The following FUT9 variants were observed in gnomAD, a reference collection of about 807,000 sequenced individuals.
FUT9 encodes the protein 4-galactosyl-N-acetylglucosaminide 3-alpha-L-fucosyltransferase 9.
A neutral mutation model predicts 29.7 loss-of-function variants in FUT9; 15 were observed. The ratio of observed to expected loss-of-function variants is 0.51; its 90% CI spans 0.34 to 0.78. The LOEUF is 0.78. Among genes scored for constraint, FUT9 ranks in the 30% least tolerant of loss-of-function variants. The probability of loss-of-function intolerance (pLI) is 0.01; values close to 1 mark genes in which losing one functional copy is unlikely to be tolerated. For missense variants in FUT9, 319 were observed against 425.4 expected, an observed-to-expected ratio of 0.75 and a Z score of 2.20; for synonymous variants, 169 against 153.7, an observed-to-expected ratio of 1.10 and a Z score of -0.74.
chr6:96,106,958 T>C (rs1771699764), intron 1 of FUT9, among the ~76,000 whole-genome samples: 1 of 152,254 alleles, frequency 6.6e-6, no homozygotes, highest in South Asian at 2.1e-4. Flanking sequence ...GCACTTTATG[T>C]ATGTCTGCCT....
chr6:96,030,661 T>C (rs1770245971), intron 1 of FUT9, among the ~76,000 whole-genome samples: 1 of 151,622 alleles, frequency 6.6e-6, no homozygotes, highest in Admixed American at 6.6e-5. Context: ...TGTTTCTACA[T>C]ACAAAGTTAT....
At chr6:96,161,332 T>A (rs1772897719) in intron 2 of FUT9, among the ~76,000 whole-genome samples, 2 of 152,120 alleles carry the variant, frequency 1.3e-5, no homozygotes, top group Non-Finnish European at 2.9e-5. Flanking sequence ...TTAGAAGATG[T>A]CCTCTTTGAG....
intron 1 of FUT9, among the ~76,000 whole-genome samples, chr6:96,074,881 A>G: frequency 6.6e-6 from 1 of 151,856 alleles, no homozygotes; most frequent in Non-Finnish European, 1.5e-5. Context: ...GGTTCAAGTG[A>G]TCTTTCTGCC....
intron 2 of FUT9, among the ~76,000 whole-genome samples, chr6:96,180,732 G>T (rs1324753715): frequency 1.3e-5 from 2 of 151,904 alleles, no homozygotes; most frequent in African/African-American, 2.4e-5. Flanking sequence ...ATCTTTTGGT[G>T]CCCAACTTAT....
At chr6:96,202,802 A>T (rs1050926823) in intron 2 of FUT9, among the ~76,000 whole-genome samples, 3 of 152,174 alleles carry the variant, frequency 2.0e-5, no homozygotes, top group African/African-American at 7.2e-5. Context: ...ACAAAATACT[A>T]AAAATTTTAG....
intron 2 of FUT9, among the ~76,000 whole-genome samples, chr6:96,155,662 G>A (rs1215053623): frequency 6.7e-6 from 1 of 148,788 alleles, no homozygotes; most frequent in Admixed American, 6.8e-5. Context: ...GACAGAGTGA[G>A]ACTCCGTTTA....
intron 1 of FUT9, among the ~76,000 whole-genome samples, chr6:96,062,887 A>G (rs1770901272): frequency 6.6e-6 from 1 of 152,204 alleles, no homozygotes; most frequent in African/African-American, 2.4e-5. Flanking sequence ...GCCTTCAGTT[A>G]AATGATCTCT....
chr6:96,058,898 A>G lies in FUT9; in HGVS notation c.-98+42686A>G, dbSNP rs79919002. On this transcript the variant is annotated intron_variant, in intron 1 of 2. Transcript: ENST00000302103. ...AACAAGGTACAAAAATTGCCTAACTACAAAAATTTCTCCCTCTTTTATATT... is the reference window on the plus strand; with the variant it reads ...AACAAGGTACAAAAATTGCCTAACTGCAAAAATTTCTCCCTCTTTTATATT... 1.9e-3 allele frequency among the ~76,000 whole-genome samples: 288 copies of G among 152,250 alleles called. 9 individuals carry two copies. In the East Asian group the frequency reaches 0.047, roughly 25 times the overall value.
At chr6:96,192,541 C>T (rs532496065) in intron 2 of FUT9, among the ~76,000 whole-genome samples, 8 of 151,950 alleles carry the variant, frequency 5.3e-5, no homozygotes, top group South Asian at 4.2e-4. Flanking sequence ...CACTGCTTGA[C>T]GAAATAAAAG....
chr6:96,058,317 G>T (rs1570772), intron 1 of FUT9, among the ~76,000 whole-genome samples: 82,738 of 151,614 alleles, frequency 0.55, 22,689 homozygotes, highest in South Asian at 0.64. Context: ...GATGCCAGTT[G>T]AAATTTTTTT....
At chr6:96,052,671 AC>A (rs1562109012) in intron 1 of FUT9, among the ~76,000 whole-genome samples, 1 of 152,214 alleles carries the variant, frequency 6.6e-6, no homozygotes. Context: ...AATGGAACTA[AC>A]TTGGCTTCAC....
intron 2 of FUT9, among the ~76,000 whole-genome samples, chr6:96,200,734 C>A (rs1386185463): frequency 6.6e-6 from 1 of 152,024 alleles, no homozygotes; most frequent in Non-Finnish European, 1.5e-5. Context: ...AACAGTCAGT[C>A]AAATCATTCA....
Position 96,016,000 on chromosome 6 carries a change from C to G in FUT9, c.-310C>G, listed in dbSNP as rs1250325230. On this transcript the variant is annotated 5_prime_UTR_variant, in exon 1 of 3. Transcript: ENST00000302103. ...GTAGCTGTAGCAGCTTCAGCGAAGC[C>G]GGAGATGGGCAGAGAGCGCGCGCGG... 1 of 152,090 alleles carries G rather than the reference C, an allele frequency of 6.6e-6. No individual in the cohort carries two copies. Among genetic ancestry groups the G allele is most frequent in the Non-Finnish European group, 1.5e-5 (1 of 68,080 alleles). The allele number at this position is 152,090 out of a possible 1,614,324, so 9.4% of individuals were successfully genotyped here.
At chr6:96,076,326 C>T (rs1400306086) in intron 1 of FUT9, among the ~76,000 whole-genome samples, 1 of 152,098 alleles carries the variant, frequency 6.6e-6, no homozygotes, top group African/African-American at 2.4e-5. Flanking sequence ...TTAAGGACTG[C>T]AAGTTCACTT....
In FUT9 at chr6:96,170,493, A is replaced by G. The variant is rs145006417; in HGVS notation, c.-8-32655A>G. Among the ~76,000 whole-genome samples, 1,428 of 152,110 alleles carry G rather than the reference A, an allele frequency of 9.4e-3. 23 individuals are homozygous for G. Among genetic ancestry groups the G allele is most frequent in the African/African-American group, 0.033 (1,370 of 41,502 alleles). On this transcript the variant is annotated intron_variant, in intron 2 of 2. Coordinates refer to ENST00000302103, the MANE Select transcript of FUT9 (RefSeq NM_006581.4). ...TCAAACTGTCCTTTTTTTTCTTCCA[A>G]AAGAATAGCCAATGAACTAGTTAGA...
chr6:96,143,079 C>A (rs922322925), intron 2 of FUT9, among the ~76,000 whole-genome samples: 1 of 152,104 alleles, frequency 6.6e-6, no homozygotes, highest in African/African-American at 2.4e-5. Flanking sequence ...AATGTTTGCG[C>A]CCCTCTCAAA....
chr6:96,034,027 A>G (rs2127928183), intron 1 of FUT9, among the ~76,000 whole-genome samples: 1 of 151,834 alleles, frequency 6.6e-6, no homozygotes, highest in African/African-American at 2.4e-5. Flanking sequence ...AAACCATAGG[A>G]CAAACAAGAA....
intron 1 of FUT9, among the ~76,000 whole-genome samples, chr6:96,067,894 G>C (rs2127946417): frequency 6.6e-6 from 1 of 152,112 alleles, no homozygotes; most frequent in East Asian, 1.9e-4. Flanking sequence ...TACTTCATAG[G>C]ATTGTTGTGA....
chr6:96,198,479 G>A (rs1773668756), intron 2 of FUT9, among the ~76,000 whole-genome samples: 1 of 152,008 alleles, frequency 6.6e-6, no homozygotes, highest in Admixed American at 6.6e-5. Flanking sequence ...AGTATTCCAT[G>A]GTGTATATGT....
Sources: allele counts gnomAD v4.1 joint callset (sites outside exome capture counted in the v4.1 genomes callset), GRCh38; gene constraint gnomAD v4.1.1; transcripts MANE v1.5; gene names NCBI Gene and HGNC (gene_info 2026-07-23, HGNC 2026-07-21).